Variants in ANKS1B observed in about 807,000 individuals in gnomAD.
ANKS1B encodes ankyrin repeat and sterile alpha motif domain-containing protein 1B.
A neutral mutation model predicts 148.3 loss-of-function variants in ANKS1B; 36 were observed. The ratio of observed to expected loss-of-function variants is 0.24; its 90% CI spans 0.19 to 0.32. ANKS1B has a LOEUF of 0.32. ANKS1B is among the 10% of genes least tolerant of loss of function. The probability of loss-of-function intolerance (pLI) is 1.00; values close to 1 mark genes in which losing one functional copy is unlikely to be tolerated. For missense variants in ANKS1B, 1,157 were observed against 1,542.6 expected, an observed-to-expected ratio of 0.75 and a Z score of 4.19; for synonymous variants, 542 against 560.8, an observed-to-expected ratio of 0.97 and a Z score of 0.47.
At chr12:99,498,055 G>A (rs1392305029) in intron 10 of ANKS1B, among the ~76,000 whole-genome samples, 5 of 152,162 alleles carry the variant, frequency 3.3e-5, no homozygotes, top group South Asian at 2.1e-4. Context: ...TGAGAAGGAT[G>A]AGCTTTACTC....
At chr12:99,422,659 T>A (rs2095125815) in intron 11 of ANKS1B, among the ~76,000 whole-genome samples, 1 of 152,152 alleles carries the variant, frequency 6.6e-6, no homozygotes. Context: ...GGTTGATGTG[T>A]TCGGGATACA....
chr12:98,887,872 C>T (rs1192139007), intron 17 of ANKS1B, among the ~76,000 whole-genome samples: 1 of 152,122 alleles, frequency 6.6e-6, no homozygotes, highest in Non-Finnish European at 1.5e-5. Flanking sequence ...CTCAGCCTCC[C>T]AAAGTGCTAG....
intron 17 of ANKS1B, among the ~76,000 whole-genome samples, chr12:98,846,821 G>A (rs918338097): frequency 2.6e-5 from 4 of 152,222 alleles, no homozygotes; most frequent in African/African-American, 4.8e-5. Context: ...AACAATTAAC[G>A]GCAACAGAAC....
At chr12:99,415,936 G>A (rs1480706803) in intron 11 of ANKS1B, among the ~76,000 whole-genome samples, 1 of 152,028 alleles carries the variant, frequency 6.6e-6, no homozygotes, top group South Asian at 2.1e-4. Flanking sequence ...ACCCACCTTG[G>A]CCTCCTAAAG....
chr12:99,416,510 G>T (rs1400349290), intron 11 of ANKS1B, among the ~76,000 whole-genome samples: 1 of 152,154 alleles, frequency 6.6e-6, no homozygotes, highest in African/African-American at 2.4e-5. Context: ...AGCATTTAGT[G>T]TTGTCACAAT....
intron 10 of ANKS1B, among the ~76,000 whole-genome samples, chr12:99,466,478 C>A (rs2096117159): frequency 6.6e-6 from 1 of 151,652 alleles, no homozygotes; most frequent in East Asian, 1.9e-4. Context: ...AAAAACCCTT[C>A]AAAAAATTAA....
At chr12:99,003,376 G>A (rs2099934152) in intron 17 of ANKS1B, among the ~76,000 whole-genome samples, 1 of 151,960 alleles carries the variant, frequency 6.6e-6, no homozygotes, top group African/African-American at 2.4e-5. Flanking sequence ...AAATGCCATC[G>A]AGATTTTAAT....
chr12:99,712,151 G>A (rs1018346824), intron 8 of ANKS1B, among the ~76,000 whole-genome samples: 1 of 152,158 alleles, frequency 6.6e-6, no homozygotes, highest in Non-Finnish European at 1.5e-5. Context: ...TGATGAGAAT[G>A]CATGGACACA....
intron 17 of ANKS1B, among the ~76,000 whole-genome samples, chr12:98,926,770 C>T (rs1379658145): frequency 6.6e-6 from 1 of 151,000 alleles, no homozygotes; most frequent in Non-Finnish European, 1.5e-5. Context: ...TAGTGGGGCT[C>T]AACAGAAGAA....
intron 1 of ANKS1B, among the ~76,000 whole-genome samples, chr12:99,941,538 A>G (rs1285560489): frequency 6.6e-6 from 1 of 152,146 alleles, no homozygotes; most frequent in Non-Finnish European, 1.5e-5. Flanking sequence ...CCATTCCACA[A>G]ACATCTTTTG....
chr12:99,879,854 A>T (rs1416286178), intron 1 of ANKS1B, among the ~76,000 whole-genome samples: 2 of 152,218 alleles, frequency 1.3e-5, no homozygotes, highest in Admixed American at 6.5e-5. Flanking sequence ...ACATTGATAG[A>T]TATGAACAAA....
chr12:99,837,904 T>C (rs961677864), intron 1 of ANKS1B, among the ~76,000 whole-genome samples: 1 of 149,892 alleles, frequency 6.7e-6, no homozygotes, highest in African/African-American at 2.5e-5. Flanking sequence ...ACCTTTTAAG[T>C]AACTTTTAAT....
chr12:98,782,305 C>T (rs1276123552), intron 22 of ANKS1B, among the ~76,000 whole-genome samples, 168 bp from the exon 23 acceptor site: 3 of 152,192 alleles, frequency 2.0e-5, no homozygotes, highest in Admixed American at 6.5e-5. Context: ...TGCAGTGCCA[C>T]TGTTATTTTA....
chr12:99,355,532 C>T (rs1242046880), intron 12 of ANKS1B, among the ~76,000 whole-genome samples: 1 of 152,028 alleles, frequency 6.6e-6, no homozygotes, highest in Non-Finnish European at 1.5e-5. Context: ...GCCTCACTGC[C>T]CTGCAAAAAG....
intron 17 of ANKS1B, among the ~76,000 whole-genome samples, chr12:99,021,751 A>T (rs2099945944): frequency 6.6e-6 from 1 of 152,226 alleles, no homozygotes; most frequent in Non-Finnish European, 1.5e-5. Context: ...ATGTGGATAC[A>T]TCAAAATAAA....
At chr12:99,752,853 C>G (rs1282246418) in intron 8 of ANKS1B, among the ~76,000 whole-genome samples, 1 of 152,022 alleles carries the variant, frequency 6.6e-6, no homozygotes, top group East Asian at 1.9e-4. Flanking sequence ...AATTGCTTAG[C>G]TTTTATATTT....
At chr12:99,393,096 TGATAGATAGATA>T (rs143927175) in intron 12 of ANKS1B, among the ~76,000 whole-genome samples, 24 of 150,558 alleles carry the variant, frequency 1.6e-4, no homozygotes, top group African/African-American at 4.2e-4. Context: ...GATAGACAGA[TGATAGATAGATA>T]GATAGATAGA....
chr12:99,816,930 T>C (rs2069259434), intron 2 of ANKS1B, among the ~76,000 whole-genome samples: 1 of 151,714 alleles, frequency 6.6e-6, no homozygotes, highest in African/African-American at 2.4e-5. Context: ...ATTTTGGGGA[T>C]GCATGTAATA....
intron 15 of ANKS1B, among the ~76,000 whole-genome samples, chr12:99,105,613 C>T (rs1247937849): frequency 6.6e-6 from 1 of 151,450 alleles, no homozygotes; most frequent in Non-Finnish European, 1.5e-5. Context: ...CTAAAAAATA[C>T]AAAAAATTAG....
Sources: allele counts gnomAD v4.1 joint callset (sites outside exome capture counted in the v4.1 genomes callset), GRCh38; gene constraint gnomAD v4.1.1; transcripts MANE v1.5; gene names NCBI Gene and HGNC (gene_info 2026-07-23, HGNC 2026-07-21).